CLIC4: variants seen among roughly 807,000 people sequenced by gnomAD.
CLIC4 encodes the protein CLIC family member 4.
Under a neutral mutation model 24.6 loss-of-function variants are expected in CLIC4, and 13 were observed. The observed-to-expected ratio is 0.53, with a 90% CI of 0.34 to 0.84. The LOEUF is 0.84. CLIC4 is among the 40% of genes least tolerant of loss of function. CLIC4 has a pLI of 0.01. For missense variants in CLIC4, 227 were observed against 301.7 expected (o/e 0.75, Z 1.83); for synonymous variants, 104 against 111.3 (o/e 0.93, Z 0.41).
chr1:24,798,794 T>C (rs1314736484), intron 2 of CLIC4, among the ~76,000 whole-genome samples: 2 of 147,680 alleles, frequency 1.4e-5, no homozygotes, highest in Non-Finnish European at 3.0e-5. Context: ...TGCCTGCGAT[T>C]GCAGGCACGC....
intron 1 of CLIC4, among the ~76,000 whole-genome samples, chr1:24,771,221 T>A (rs185180307): frequency 6.6e-6 from 1 of 152,318 alleles, no homozygotes; most frequent in African/African-American, 2.4e-5. Flanking sequence ...ATTTCGGGGT[T>A]TTAGGGATCA....
intron 1 of CLIC4, among the ~76,000 whole-genome samples, chr1:24,784,410 C>T (rs1202809139): frequency 6.6e-6 from 1 of 152,254 alleles, no homozygotes; most frequent in Admixed American, 6.5e-5. Flanking sequence ...GTGGTCTTAA[C>T]CACCATTCTC....
chr1:24,783,065 A>AT (rs1639224375), intron 1 of CLIC4, among the ~76,000 whole-genome samples: 1 of 152,100 alleles, frequency 6.6e-6, no homozygotes, highest in East Asian at 1.9e-4. Context: ...ATTTTACTCT[A>AT]TTTGCTTTAT....
intron 3 of CLIC4, among the ~76,000 whole-genome samples, chr1:24,826,507 A>G (rs1447539388): frequency 5.3e-5 from 8 of 152,342 alleles, no homozygotes; most frequent in South Asian, 2.1e-4. Flanking sequence ...TCTGGTGACT[A>G]CTGAGCACTT....
chr1:24,837,607 ATCTT>A (rs1639898472), intron 4 of CLIC4, among the ~76,000 whole-genome samples: 1 of 152,210 alleles, frequency 6.6e-6, no homozygotes, highest in African/African-American at 2.4e-5. Context: ...TTTCAAGCCA[ATCTT>A]TCTTTAATAT....
chr1:24,828,403 A>G (rs113980077), intron 4 of CLIC4, among the ~76,000 whole-genome samples: 3,047 of 152,142 alleles, frequency 0.02, 95 homozygotes, highest in African/African-American at 0.07. Flanking sequence ...TGTCTAAGCA[A>G]TTTATACATT....
intron 3 of CLIC4, among the ~76,000 whole-genome samples, chr1:24,821,825 A>G (rs1283942403): frequency 6.6e-6 from 1 of 152,180 alleles, no homozygotes; most frequent in Non-Finnish European, 1.5e-5. Context: ...GGCTCAAGCC[A>G]TCTGCCCACC....
chr1:24,766,379 A>G (rs974356150), intron 1 of CLIC4, among the ~76,000 whole-genome samples: 3 of 145,790 alleles, frequency 2.1e-5, no homozygotes, highest in Admixed American at 7.0e-5. Context: ...TGATCCACCT[A>G]TCTTGGCCTC....
intron 2 of CLIC4, among the ~76,000 whole-genome samples, chr1:24,811,057 C>G (rs894497556): frequency 1.4e-5 from 2 of 144,746 alleles, no homozygotes; most frequent in African/African-American, 5.2e-5. Flanking sequence ...TCAGCCTGGG[C>G]GACAGAGTGA....
intron 1 of CLIC4, among the ~76,000 whole-genome samples, chr1:24,780,256 A>G (rs1639187303): frequency 6.6e-6 from 1 of 152,256 alleles, no homozygotes; most frequent in African/African-American, 2.4e-5. Context: ...CTTACCCAAT[A>G]TCACACTCAT....
chr1:24,802,537 A>G (rs1343214145), intron 2 of CLIC4, among the ~76,000 whole-genome samples: 1 of 152,064 alleles, frequency 6.6e-6, no homozygotes, highest in Non-Finnish European at 1.5e-5. Context: ...TTTAACAATC[A>G]TAGGTCTCCA....
chr1:24,748,024 C>CA (rs34000704), intron 1 of CLIC4, among the ~76,000 whole-genome samples: 223 of 118,102 alleles, frequency 1.9e-3, no homozygotes, highest in African/African-American at 5.1e-3. Flanking sequence ...GACTTCGTCT[C>CA]AAAAAAAAAA....
At chr1:24,837,647 T>C (rs936962898) in intron 4 of CLIC4, among the ~76,000 whole-genome samples, 2 of 152,208 alleles carry the variant, frequency 1.3e-5, no homozygotes, top group African/African-American at 4.8e-5. Context: ...AAATAAAATA[T>C]ACCAAATCCA....
chr1:24,791,880 AAAATAAAT>A (rs112152589), intron 1 of CLIC4, among the ~76,000 whole-genome samples: 1 of 150,636 alleles, frequency 6.6e-6, no homozygotes, highest in African/African-American at 2.5e-5. Context: ...CCATCTCAAA[AAAATAAAT>A]AAATAAATAA....
chr1:24,746,155 A>G (rs533439330), intron 1 of CLIC4, among the ~76,000 whole-genome samples: 59 of 152,308 alleles, frequency 3.9e-4, no homozygotes, highest in Admixed American at 1.0e-3. Context: ...TTTCGATGCA[A>G]TCTTAAACAA....
At chr1:24,775,224 C>CTTTT in intron 1 of CLIC4, among the ~76,000 whole-genome samples, 211 of 90,480 alleles carry the variant, frequency 2.3e-3, no homozygotes, top group East Asian at 4.1e-3. Flanking sequence ...TTCTTTCTTT[C>CTTTT]TTTTTTTTTT....
chr1:24,810,955 T>A (rs1356815039), intron 2 of CLIC4, among the ~76,000 whole-genome samples: 1 of 151,850 alleles, frequency 6.6e-6, no homozygotes, highest in East Asian at 1.9e-4. Flanking sequence ...GGTGTGCGCC[T>A]GTAGTCCCAG....
At chr1:24,781,873 A>C (rs1219723801) in intron 1 of CLIC4, among the ~76,000 whole-genome samples, 2 of 151,896 alleles carry the variant, frequency 1.3e-5, no homozygotes, top group African/African-American at 4.8e-5. Flanking sequence ...GCTGGTCTCA[A>C]ACTCCTGACC....
At chr1:24,768,451 T>C (rs1639031072) in intron 1 of CLIC4, among the ~76,000 whole-genome samples, 1 of 152,172 alleles carries the variant, frequency 6.6e-6, no homozygotes, top group Non-Finnish European at 1.5e-5. Flanking sequence ...TAAGCTCTTT[T>C]TATTTAATTT....
Sources: gnomAD v4.1 joint callset for allele counts (sites outside exome capture counted in the v4.1 genomes callset) on GRCh38, gnomAD v4.1.1 for gene constraint, MANE v1.5 for transcripts, NCBI Gene and HGNC (gene_info 2026-07-23, HGNC 2026-07-21) for gene names.